ROBO1: variants seen among roughly 807,000 people sequenced by gnomAD.
ROBO1 encodes roundabout homolog 1.
In ROBO1, 149 loss-of-function variants were observed where a neutral mutation model predicts 195.9. That is an observed-to-expected ratio of 0.76 (90% CI 0.67 to 0.87). ROBO1 has a LOEUF of 0.87. Ranked by LOEUF, ROBO1 falls within the 40% of genes least tolerant of loss-of-function variation. The pLI is 0.00. For missense variants in ROBO1, 1,933 were observed against 2,068.3 expected (o/e 0.93, Z 1.27); for synonymous variants, 816 against 733.2 (o/e 1.11, Z -1.82).
intron 26 of ROBO1, among the ~76,000 whole-genome samples, chr3:78,623,070 G>A (rs1463270465): frequency 6.6e-6 from 1 of 152,182 alleles, no homozygotes; most frequent in Non-Finnish European, 1.5e-5. Context: ...TGGTTTGTTA[G>A]ACAGCAATAG....
chr3:79,289,929 A>G (rs949049260), intron 2 of ROBO1, among the ~76,000 whole-genome samples: 1 of 152,180 alleles, frequency 6.6e-6, no homozygotes, highest in Non-Finnish European at 1.5e-5. Context: ...TTCAATAGTT[A>G]AATGGTCTCT....
At chr3:79,146,483 A>AAT (rs958642337) in intron 2 of ROBO1, among the ~76,000 whole-genome samples, 11 of 151,816 alleles carry the variant, frequency 7.2e-5, no homozygotes, top group Admixed American at 1.3e-4. Flanking sequence ...TAGATCATAG[A>AAT]ATATATATAT....
At chr3:78,788,009 G>C (rs1178526775) in intron 4 of ROBO1, among the ~76,000 whole-genome samples, 1 of 134,300 alleles carries the variant, frequency 7.4e-6, no homozygotes, top group African/African-American at 2.8e-5. Flanking sequence ...GCACGATCTC[G>C]GCTCACTGCA....
rs1231524692 is a variant in ROBO1, at chr3:78,635,882, G to T, written c.3264C>A (p.Asn1088Lys). The stretch of plus-strand genomic sequence containing the variant: ...TCTCGCCAGAGTCCCCGCTGCCATT[G>T]TTCATGTTGTTGCTGAGGTTTGACT... ...LIQSNLSNNMNNGSGDSGEKH... is the reference protein window; with the variant it reads ...LIQSNLSNNMKNGSGDSGEKH... Residue 1088 changes from asparagine (N) to lysine (K), a missense_variant, in exon 23 of 31, where the codon AAC (asparagine) becomes AAA (lysine). Physicochemically the swap from Asn to Lys is moderately conservative, Grantham distance 94 (BLOSUM62 0). This residue lies in a region of ROBO1 where 1,737 missense variants were observed against 1,882.5 expected (regional missense o/e 0.92). Coordinates refer to ENST00000464233, the MANE Select transcript of ROBO1 (RefSeq NM_002941.4). 1.2e-6 allele frequency: 2 copies of T among 1,613,926 alleles called. No homozygotes were observed. The highest frequency in any genetic ancestry group is 1.7e-6 in the Non-Finnish European group (2 of 1,179,850).
Position 79,551,634 on chromosome 3 carries a change from C to T in ROBO1, c.88+38190G>A, listed in dbSNP as rs192196232. On this transcript the variant is annotated intron_variant, in intron 2 of 30. Transcript: ENST00000464233. ...TATTAATCTAGGCGAAGAGAAAGCT[C>T]TCAGCTGTTCAAGATTTATGCTCCT... 9.9e-5 allele frequency among the ~76,000 whole-genome samples: 15 copies of T among 152,018 alleles called. No individual in the cohort carries two copies. The East Asian group carries it at 2.9e-3, about 30-fold the overall frequency.
chr3:79,010,390 C>T (rs1317517013), intron 3 of ROBO1, among the ~76,000 whole-genome samples: 1 of 152,030 alleles, frequency 6.6e-6, no homozygotes, highest in Admixed American at 6.5e-5. Context: ...CTAATAACAA[C>T]ACATTCATTT....
At chr3:78,760,829 G>T (rs1344859851) in intron 4 of ROBO1, among the ~76,000 whole-genome samples, 1 of 138,700 alleles carries the variant, frequency 7.2e-6, no homozygotes, top group Non-Finnish European at 1.5e-5. Context: ...TTTGTAGAGA[G>T]GGGGGTCTAA....
At chr3:79,600,562 A>G (rs1021506730) in intron 1 of ROBO1, among the ~76,000 whole-genome samples, 7 of 151,938 alleles carry the variant, frequency 4.6e-5, no homozygotes, top group African/African-American at 1.4e-4. Flanking sequence ...TAAGGTAGTT[A>G]CCTCCAGAAT....
At chr3:78,784,038 GTAAC>G (rs756853832) in intron 4 of ROBO1, among the ~76,000 whole-genome samples, 6 of 151,922 alleles carry the variant, frequency 3.9e-5, no homozygotes, top group African/African-American at 1.2e-4. Flanking sequence ...GAGTACATAA[GTAAC>G]TACGCAGAAA....
chr3:79,648,473 T>C (rs1049242832), intron 1 of ROBO1, among the ~76,000 whole-genome samples: 1 of 152,072 alleles, frequency 6.6e-6, no homozygotes, highest in African/African-American at 2.4e-5. Flanking sequence ...AGCGTGAGTT[T>C]GTAGACATTA....
intron 3 of ROBO1, among the ~76,000 whole-genome samples, chr3:78,990,959 T>C (rs1034747144): frequency 1.3e-5 from 2 of 152,240 alleles, no homozygotes; most frequent in Admixed American, 6.5e-5. Context: ...GCCTTTGTAA[T>C]AGGACTCAGT....
intron 1 of ROBO1, among the ~76,000 whole-genome samples, chr3:79,749,668 G>T (rs1704042692): frequency 6.6e-6 from 1 of 152,194 alleles, no homozygotes; most frequent in Non-Finnish European, 1.5e-5. Flanking sequence ...TTGGCCCATG[G>T]CTTCAGAGGG....
intron 5 of ROBO1, among the ~76,000 whole-genome samples, chr3:78,720,167 G>A (rs1398991293): frequency 6.6e-6 from 1 of 152,106 alleles, no homozygotes; most frequent in Non-Finnish European, 1.5e-5. Context: ...TCAACATTGA[G>A]GCAGAGAAGC....
chr3:78,874,364 C>G (rs1045152036), intron 4 of ROBO1, among the ~76,000 whole-genome samples: 2 of 151,634 alleles, frequency 1.3e-5, no homozygotes, highest in African/African-American at 4.8e-5. Context: ...AAATTCATAG[C>G]CTTTTAATAA....
chr3:79,032,944 A>G (rs2078322129), intron 3 of ROBO1, among the ~76,000 whole-genome samples: 2 of 152,108 alleles, frequency 1.3e-5, no homozygotes, highest in South Asian at 4.1e-4. Flanking sequence ...ACTTCTGTTC[A>G]TTAACTAGAT....
At chr3:79,475,063 CA>C (rs1379541869) in intron 2 of ROBO1, among the ~76,000 whole-genome samples, 2 of 151,618 alleles carry the variant, frequency 1.3e-5, no homozygotes, top group African/African-American at 4.8e-5. Flanking sequence ...CTACTGTATA[CA>C]ACAGAATTCT....
At chr3:78,717,931 T>C (rs931734038) in intron 5 of ROBO1, 48 bp from the exon 6 acceptor site, 4 of 1,590,318 alleles carry the variant, frequency 2.5e-6, no homozygotes, top group African/African-American at 2.7e-5. Context: ...GCTTCAGCTA[T>C]GTTTACATGA....
At chr3:79,565,524 A>G (rs781478127) in intron 2 of ROBO1, among the ~76,000 whole-genome samples, 2 of 152,034 alleles carry the variant, frequency 1.3e-5, no homozygotes, top group African/African-American at 2.4e-5. Context: ...TATTTGCCCA[A>G]ACTTGTTTCT....
At chr3:79,253,550 T>C (rs114873866) in intron 2 of ROBO1, among the ~76,000 whole-genome samples, 3,091 of 152,316 alleles carry the variant, frequency 0.02, 49 homozygotes, top group Non-Finnish European at 0.034. Context: ...TGCCTACTTA[T>C]GTTCTTTAGT....
Sources: gnomAD v4.1 joint callset for allele counts (sites outside exome capture counted in the v4.1 genomes callset) on GRCh38, gnomAD v4.1.1 for gene constraint, gnomAD v4.1.1 regional missense constraint, MANE v1.5 for transcripts, NCBI Gene and HGNC (gene_info 2026-07-23, HGNC 2026-07-21) for gene names.